The following MTREX variants were observed in gnomAD, a reference collection of about 807,000 sequenced individuals.
MTREX encodes the protein Mtr4 exosome RNA helicase, also known as exosome RNA helicase MTR4.
In MTREX, 76 loss-of-function variants were observed where a neutral mutation model predicts 135.4. The observed-to-expected ratio is 0.56, with a 90% confidence interval of 0.47 to 0.68. The LOEUF (loss-of-function observed/expected upper bound fraction) is 0.68. MTREX is among the 30% of genes least tolerant of loss of function. The probability of loss-of-function intolerance (pLI) is 0.00; values close to 1 mark genes in which losing one functional copy is unlikely to be tolerated. For synonymous variants in MTREX, 404 were observed against 401.6 expected (o/e 1.01, Z -0.07); for missense variants, 920 against 1,262.1 (o/e 0.73, Z 4.11).
At position 55,424,548 on chromosome 5, in the gene MTREX, C is replaced by T. The variant is rs118173624; in HGVS notation, c.3077-172C>T. ...AGGGGTCTGGCTTGTATGTTTTCCA[C>T]CTCACAGAGGTGGCTGCAAATTCCT... On this transcript the variant is annotated intron_variant, in intron 26 of 26. Coordinates refer to ENST00000230640, the MANE Select transcript of MTREX (RefSeq NM_015360.5). 1.1e-3 allele frequency: 607 copies of T among 573,078 alleles called. 12 individuals carry two copies. The East Asian group carries it at 0.016, about 15-fold the overall frequency. 35.5% of individuals were successfully genotyped at this position (573,078 alleles called of 1,614,324 possible). A position where few individuals can be genotyped will look rare whatever the true frequency, so the allele number is the denominator to read the frequency against.
intron 16 of MTREX, among the ~76,000 whole-genome samples, chr5:55,377,986 T>C (rs1395226499): frequency 6.7e-6 from 1 of 149,404 alleles, no homozygotes; most frequent in East Asian, 2.0e-4. Flanking sequence ...AGAAATGCTA[T>C]ACGGAAAGGT....
At chr5:55,343,566 C>A (rs1579859653) in intron 8 of MTREX, 111 bp downstream of exon 8, 3 of 868,388 alleles carry the variant, frequency 3.5e-6, no homozygotes, top group East Asian at 5.4e-5. Context: ...ATAAAAAAAA[C>A]ATTTTAATGG....
intron 15 of MTREX, among the ~76,000 whole-genome samples, chr5:55,365,879 T>C (rs1239746215): frequency 6.6e-6 from 1 of 151,654 alleles, no homozygotes; most frequent in Non-Finnish European, 1.5e-5. Context: ...TAGTCCCAGC[T>C]ACTTGGGAGG....
At chr5:55,378,575 T>TA in intron 17 of MTREX, 89 bp downstream of exon 17, 1 of 1,348,600 alleles carries the variant, frequency 7.4e-7, no homozygotes, top group Non-Finnish European at 1.0e-6. Flanking sequence ...TTTATTCTGA[T>TA]AAAATGCTTC....
chr5:55,370,663 G>A (rs1021413972), intron 16 of MTREX, among the ~76,000 whole-genome samples: 1 of 152,180 alleles, frequency 6.6e-6, no homozygotes, highest in Non-Finnish European at 1.5e-5. Context: ...TGATGAAAGA[G>A]AAATAAGGGA....
At chr5:55,346,850 T>C (rs1040695015) in intron 10 of MTREX, among the ~76,000 whole-genome samples, 163 bp from the exon 11 acceptor site, 2 of 152,188 alleles carry the variant, frequency 1.3e-5, no homozygotes, top group Admixed American at 6.5e-5. Flanking sequence ...TTCCTTATGT[T>C]GTTTATGCTT....
At position 55,345,149 on chromosome 5, in the gene MTREX, G is replaced by T; in HGVS notation, c.1061G>T (p.Gly354Val). 6.2e-7 allele frequency: 1 copy of T among 1,613,670 alleles called. No homozygotes were observed. The highest frequency in any genetic ancestry group is 8.5e-7 in the Non-Finnish European group (1 of 1,179,804). The change falls in exon 10 of 27, where the codon GGT becomes GTT. Residue 354 changes from glycine (G) to valine (V), a missense_variant. Gly to Val is a moderately radical substitution (Grantham distance 109). Coordinates refer to ENST00000230640, the MANE Select transcript of MTREX (RefSeq NM_015360.5). Reference sequence around the variant, plus strand: ...GCAATGCAAGTGCTTCGAGATGCAGGTGATTTGGCCAAAGGAGACCAGAAA... The same window carrying T: ...GCAATGCAAGTGCTTCGAGATGCAGTTGATTTGGCCAAAGGAGACCAGAAA... ...NTAMQVLRDA[G>V]DLAKGDQKGR...
chr5:55,334,859 T>TA (rs1176003968), intron 5 of MTREX, among the ~76,000 whole-genome samples: 1 of 152,130 alleles, frequency 6.6e-6, no homozygotes, highest in African/African-American at 2.4e-5. Context: ...CTAAGGTAGA[T>TA]ACCTAGGAAT....
chr5:55,332,960 A>G (rs1441360169), intron 5 of MTREX, among the ~76,000 whole-genome samples: 1 of 151,482 alleles, frequency 6.6e-6, no homozygotes, highest in African/African-American at 2.4e-5. Flanking sequence ...CATCTGTCTC[A>G]TTTTCAGATT....
chr5:55,334,837 C>T (rs1749530178), intron 5 of MTREX, among the ~76,000 whole-genome samples: 1 of 151,968 alleles, frequency 6.6e-6, no homozygotes, highest in South Asian at 2.1e-4. Context: ...CCTATGTTTT[C>T]GTTTCTCTTA....
At chr5:55,345,031 G>GA (rs1439599465) in intron 9 of MTREX, 63 bp from the exon 10 acceptor site, 6 of 986,378 alleles carry the variant, frequency 6.1e-6, no homozygotes, top group Non-Finnish European at 9.4e-6. Flanking sequence ...CCTTATGTAT[G>GA]AAAAATGTTT....
At chr5:55,329,496 A>G (rs7719622) in intron 5 of MTREX, 19,679 of 152,090 alleles carry the variant, frequency 0.13, 1,519 homozygotes, top group East Asian at 0.26. Context: ...TGTTTCTTAA[A>G]TAATTTGACA....
intron 3 of MTREX, among the ~76,000 whole-genome samples, chr5:55,325,530 A>G (rs1443029734): frequency 6.8e-6 from 1 of 147,480 alleles, no homozygotes; most frequent in Non-Finnish European, 1.5e-5. Flanking sequence ...TTTTATTTTT[A>G]GTAGAGACTG....
intron 14 of MTREX, 30 bp from the exon 15 acceptor site, chr5:55,358,543 A>T: frequency 1.3e-6 from 2 of 1,556,770 alleles, no homozygotes; most frequent in Non-Finnish European, 1.7e-6. Flanking sequence ...TTTTTTTCCT[A>T]AACTCTGAAT....
intron 1 of MTREX, among the ~76,000 whole-genome samples, chr5:55,309,476 G>T (rs1749068135): frequency 6.6e-6 from 1 of 152,120 alleles, no homozygotes. Context: ...TCAGGCAGTG[G>T]CAGAGGAATG....
chr5:55,364,971 G>A (rs1750077011), intron 15 of MTREX, among the ~76,000 whole-genome samples: 1 of 152,164 alleles, frequency 6.6e-6, no homozygotes, highest in Non-Finnish European at 1.5e-5. Context: ...CAGAGTGAAA[G>A]AGGGGACTAT....
At chr5:55,335,088 G>T (rs1749533691) in intron 5 of MTREX, among the ~76,000 whole-genome samples, 1 of 151,948 alleles carries the variant, frequency 6.6e-6, no homozygotes, top group East Asian at 1.9e-4. Flanking sequence ...ATGACTAAGG[G>T]TGTTAAGCAT....
chr5:55,347,520 T>C (rs1749757976), intron 11 of MTREX, among the ~76,000 whole-genome samples: 1 of 152,226 alleles, frequency 6.6e-6, no homozygotes, highest in African/African-American at 2.4e-5. Context: ...CCATGCTTCA[T>C]TCTCACTGAA....
At chr5:55,324,934 A>G (rs1452730466) in intron 3 of MTREX, among the ~76,000 whole-genome samples, 1 of 152,178 alleles carries the variant, frequency 6.6e-6, no homozygotes, top group Non-Finnish European at 1.5e-5. Context: ...TAACAGTGCT[A>G]TTTTTGAAGG....
Sources: allele counts gnomAD v4.1 joint callset (sites outside exome capture counted in the v4.1 genomes callset), GRCh38; gene constraint gnomAD v4.1.1; transcripts MANE v1.5; gene names NCBI Gene and HGNC (gene_info 2026-07-23, HGNC 2026-07-21).